SCHIP1: variants seen among roughly 807,000 people sequenced by gnomAD.
SCHIP1 encodes schwannomin interacting protein 1, also known as schwannomin-interacting protein 1.
Under a neutral mutation model 29.7 loss-of-function variants are expected in SCHIP1, and 8 were observed. The observed-to-expected ratio is 0.27, with a 90% CI of 0.16 to 0.49. The LOEUF is 0.49. Among genes scored for constraint, SCHIP1 ranks in the 20% least tolerant of loss-of-function variants. SCHIP1 has a pLI of 0.99. For missense variants in SCHIP1, 193 were observed against 294.6 expected (o/e 0.66, Z 2.52); for synonymous variants, 76 against 94.9 (o/e 0.80, Z 1.16).
chr3:159,536,052 G>A, the SCHIP1 span, among the ~76,000 whole-genome samples: 2 of 152,146 alleles, frequency 1.3e-5, no homozygotes, highest in African/African-American at 4.8e-5. Flanking sequence ...AGTTGTGCTA[G>A]CTCAATAGCC....
the SCHIP1 span, among the ~76,000 whole-genome samples, chr3:159,818,931 C>T: frequency 8.5e-5 from 13 of 152,230 alleles, no homozygotes; most frequent in African/African-American, 3.1e-4. Flanking sequence ...TAGTTTACTA[C>T]AGTTTAAAAA....
the SCHIP1 span, among the ~76,000 whole-genome samples, chr3:159,786,329 C>T: frequency 2.5e-4 from 38 of 152,204 alleles, no homozygotes; most frequent in South Asian, 7.7e-3. Flanking sequence ...CTATGATACC[C>T]TTATTGTGAT....
chr3:159,654,021 G>A, the SCHIP1 span, among the ~76,000 whole-genome samples: 3 of 152,074 alleles, frequency 2.0e-5, no homozygotes, highest in Non-Finnish European at 4.4e-5. Flanking sequence ...ACATTCTGGG[G>A]TAAATTGCCT....
chr3:159,312,150 G>A, the SCHIP1 span, among the ~76,000 whole-genome samples: 2 of 152,166 alleles, frequency 1.3e-5, no homozygotes, highest in East Asian at 1.9e-4. Context: ...AGCAGGTTAT[G>A]AGCCAGGGAT....
chr3:159,811,987 T>G, the SCHIP1 span, among the ~76,000 whole-genome samples: 1 of 151,444 alleles, frequency 6.6e-6, no homozygotes, highest in Non-Finnish European at 1.5e-5. Flanking sequence ...TTTGTTTTTT[T>G]TTTTGGCAGA....
chr3:159,550,000 CTT>C, the SCHIP1 span, among the ~76,000 whole-genome samples: 1 of 144,274 alleles, frequency 6.9e-6, no homozygotes, highest in Non-Finnish European at 1.5e-5. Context: ...TAAACCATCT[CTT>C]TGTTTATTCT....
the SCHIP1 span, among the ~76,000 whole-genome samples, chr3:159,778,475 C>T: frequency 2.6e-5 from 4 of 152,116 alleles, no homozygotes; most frequent in Non-Finnish European, 2.9e-5. Context: ...AAGAAATGAA[C>T]ATTTACCCAA....
the SCHIP1 span, among the ~76,000 whole-genome samples, chr3:159,691,828 G>A: frequency 6.6e-6 from 1 of 151,998 alleles, no homozygotes; most frequent in African/African-American, 2.4e-5. Context: ...TTGCTTGTCT[G>A]GAAATGATTT....
upstream of SCHIP1, among the ~76,000 whole-genome samples, chr3:159,838,089 G>C (rs2108999906): frequency 6.6e-6 from 1 of 152,284 alleles, no homozygotes; most frequent in Non-Finnish European, 1.5e-5. Context: ...AGGATACCAG[G>C]AGTTGAGTTT....
the SCHIP1 span, among the ~76,000 whole-genome samples, chr3:159,384,322 T>C: frequency 7.2e-5 from 11 of 151,956 alleles, no homozygotes; most frequent in African/African-American, 2.7e-4. Flanking sequence ...GCATGAAGCG[T>C]TGTTGAATTT....
intron 1 of SCHIP1, among the ~76,000 whole-genome samples, chr3:159,843,003 T>TC (rs1744407039): frequency 4.1e-5 from 1 of 24,522 alleles, no homozygotes; most frequent in African/African-American, 2.3e-4. Context: ...ATTTCTTTCT[T>TC]TTTTTTTTTT....
chr3:159,276,792 AT>A, the SCHIP1 span, among the ~76,000 whole-genome samples: 1 of 152,220 alleles, frequency 6.6e-6, no homozygotes, highest in East Asian at 1.9e-4. Flanking sequence ...ACTTTGACTA[AT>A]TTTTCAAATT....
the SCHIP1 span, among the ~76,000 whole-genome samples, chr3:159,408,601 C>T: frequency 3.3e-5 from 5 of 152,008 alleles, no homozygotes; most frequent in Non-Finnish European, 5.9e-5. Flanking sequence ...ACACATACAA[C>T]CTGAGCAGAC....
At chr3:159,419,202 T>A in the SCHIP1 span, among the ~76,000 whole-genome samples, 1 of 152,222 alleles carries the variant, frequency 6.6e-6, no homozygotes, top group African/African-American at 2.4e-5. Context: ...AGTGACCTTG[T>A]GTGTGGTCAG....
At chr3:159,328,434 G>A in the SCHIP1 span, among the ~76,000 whole-genome samples, 35 of 152,154 alleles carry the variant, frequency 2.3e-4, no homozygotes, top group Admixed American at 1.2e-3. Flanking sequence ...ATAGGGTGAT[G>A]AGGCCTAAAA....
the SCHIP1 span, among the ~76,000 whole-genome samples, chr3:159,319,582 T>G: frequency 6.6e-6 from 1 of 152,222 alleles, no homozygotes; most frequent in Admixed American, 6.5e-5. Flanking sequence ...ATTCAATGGA[T>G]ATGTTAAAGT....
At chr3:159,472,403 T>C in the SCHIP1 span, among the ~76,000 whole-genome samples, 31 of 152,112 alleles carry the variant, frequency 2.0e-4, no homozygotes, top group African/African-American at 6.5e-4. Context: ...AATTAGGAAT[T>C]TGAGCTACAG....
At chr3:159,729,341 A>G in the SCHIP1 span, among the ~76,000 whole-genome samples, 1 of 152,214 alleles carries the variant, frequency 6.6e-6, no homozygotes, top group African/African-American at 2.4e-5. Flanking sequence ...TAACATATGT[A>G]ACTAATATTG....
the SCHIP1 span, among the ~76,000 whole-genome samples, chr3:159,411,156 C>T: frequency 2.0e-4 from 31 of 151,788 alleles, no homozygotes; most frequent in South Asian, 4.8e-3. Flanking sequence ...GGAGGGGGCA[C>T]GATAATTAAT....
Sources: allele counts gnomAD v4.1 joint callset (sites outside exome capture counted in the v4.1 genomes callset), GRCh38; gene constraint gnomAD v4.1.1; transcripts MANE v1.5; gene names NCBI Gene and HGNC (gene_info 2026-07-23, HGNC 2026-07-21).